ZNF678: variants seen among roughly 807,000 people sequenced by gnomAD.
ZNF678 encodes the protein hypothetical protein MGC42493.
In ZNF678, 5 loss-of-function variants were observed where a neutral mutation model predicts 3.0. That is an observed-to-expected ratio of 1.69 (90% CI 0.88 to 3.56). The LOEUF is 3.56. Among genes scored for constraint, ZNF678 ranks in the 30% most tolerant of loss-of-function variants. The probability of loss-of-function intolerance (pLI) is 0.00; values close to 1 mark genes in which losing one functional copy is unlikely to be tolerated. For synonymous variants in ZNF678, 218 were observed against 199.6 expected (o/e 1.09, Z -0.78); for missense variants, 593 against 605.0 (o/e 0.98, Z 0.21).
At chr1:227,646,743 A>G in intron 2 of ZNF678, 73 bp downstream of exon 2, 1 of 1,267,704 alleles carries the variant, frequency 7.9e-7, no homozygotes, top group South Asian at 1.3e-5. Context: ...CTGAAATGTT[A>G]CCTGAGAGTT....
intron 1 of ZNF678, among the ~76,000 whole-genome samples, chr1:227,604,188 A>G (rs570050731): frequency 5.9e-5 from 9 of 152,328 alleles, no homozygotes; most frequent in African/African-American, 1.7e-4. Context: ...TTTTGGGCAC[A>G]TGAGTGAGAG....
In ZNF678 at chr1:227,631,689, A is replaced by G. The variant is rs185751444; in HGVS notation, c.-163-14855A>G. Among the ~76,000 whole-genome samples, 7 of 152,270 alleles carry G rather than the reference A, an allele frequency of 4.6e-5. No homozygotes were observed. The East Asian group carries it at 9.6e-4, about 21-fold the overall frequency. The stretch of plus-strand genomic sequence containing the variant: ...ATGACAGATGGATCCTACTTATCCT[A>G]TGTGCCTTTTTCCTGCGAGAAGGAG... On this transcript the variant is annotated intron_variant, in intron 1 of 3. Transcript: ENST00000343776.
intron 1 of ZNF678, among the ~76,000 whole-genome samples, chr1:227,643,083 T>C (rs1658861896): frequency 6.6e-6 from 1 of 152,072 alleles, no homozygotes; most frequent in Non-Finnish European, 1.5e-5. Context: ...TTGGGCTTCA[T>C]TTGAGCTTCT....
chr1:227,600,076 C>CTGCATTAAGT (rs1256160000), intron 1 of ZNF678, among the ~76,000 whole-genome samples: 1 of 152,078 alleles, frequency 6.6e-6, no homozygotes, highest in Non-Finnish European at 1.5e-5. Flanking sequence ...TTTTCTGTTC[C>CTGCATTAAGT]TGCATTAGTA....
intron 1 of ZNF678, among the ~76,000 whole-genome samples, chr1:227,633,385 C>G (rs1297329012): frequency 6.6e-6 from 1 of 152,192 alleles, no homozygotes; most frequent in Non-Finnish European, 1.5e-5. Context: ...TTGACTATTT[C>G]TTTACCTCCA....
At chr1:227,606,432 A>G (rs188977779) in intron 1 of ZNF678, among the ~76,000 whole-genome samples, 1 of 152,332 alleles carries the variant, frequency 6.6e-6, no homozygotes, top group Non-Finnish European at 1.5e-5. Context: ...CCACTAGCAT[A>G]TCTTGCCTCC....
downstream of ZNF678, among the ~76,000 whole-genome samples, chr1:227,678,456 T>G (rs2012432): frequency 0.21 from 31,838 of 152,134 alleles, 3,778 homozygotes; most frequent in East Asian, 0.44. Flanking sequence ...TTCTCTTGCC[T>G]CTCTAGGCAG....
chr1:227,583,978 C>G (rs903285533), intron 1 of ZNF678, among the ~76,000 whole-genome samples: 9 of 152,198 alleles, frequency 5.9e-5, no homozygotes, highest in African/African-American at 2.2e-4. Flanking sequence ...AATCATATAT[C>G]TGTTGCTGCC....
At chr1:227,613,183 C>G (rs1444175241) in intron 1 of ZNF678, among the ~76,000 whole-genome samples, 1 of 152,186 alleles carries the variant, frequency 6.6e-6, no homozygotes, top group Admixed American at 6.5e-5. Flanking sequence ...CAGCTACTCA[C>G]TACCTCTACT....
chr1:227,630,691 G>T (rs1658526438), intron 1 of ZNF678, among the ~76,000 whole-genome samples: 1 of 152,116 alleles, frequency 6.6e-6, no homozygotes, highest in Non-Finnish European at 1.5e-5. Flanking sequence ...GCTTGGAGGG[G>T]ACATAATCAG....
At chr1:227,666,973 G>C (rs1659513593), downstream of ZNF678, among the ~76,000 whole-genome samples, 1 of 151,520 alleles carries the variant, frequency 6.6e-6, no homozygotes, top group African/African-American at 2.4e-5. Context: ...TTGAACTCCA[G>C]ACCTCAGATG....
chr1:227,657,167 C>G lies in ZNF678; in HGVS notation c.*1339C>G, dbSNP rs1659271889. ...CTTACCACTGCAGTTAGTGTGTTCT[C>G]TGTTAGTTCATGTGAAAGCTGGTTG... On this transcript the variant is annotated 3_prime_UTR_variant, in exon 4 of 4. Coordinates refer to ENST00000343776, the MANE Select transcript of ZNF678 (RefSeq NM_001367909.1). 1 of 151,880 alleles carries G rather than the reference C, an allele frequency of 6.6e-6. No homozygotes were observed. Among genetic ancestry groups the G allele is most frequent in the Non-Finnish European group, 1.5e-5 (1 of 67,854 alleles). The allele number at this position is 151,880 out of a possible 1,614,324, so 9.4% of individuals were successfully genotyped here.
chr1:227,564,576 C>A (rs1389720737), intron 1 of ZNF678, among the ~76,000 whole-genome samples: 4 of 152,226 alleles, frequency 2.6e-5, no homozygotes, highest in African/African-American at 9.6e-5. Context: ...TTTTCAGTTT[C>A]TTTCCAAAAT....
chr1:227,578,329 G>A (rs534978207), intron 1 of ZNF678, among the ~76,000 whole-genome samples: 2 of 152,278 alleles, frequency 1.3e-5, no homozygotes, highest in South Asian at 2.1e-4. Flanking sequence ...CCTGAAATAC[G>A]TTTTCCAACT....
intron 1 of ZNF678, chr1:227,598,325 A>G: frequency 5.6e-6 from 7 of 1,240,224 alleles, no homozygotes; most frequent in Non-Finnish European, 7.3e-6. Context: ...TAAACACAAG[A>G]AAATTCGTGG....
chr1:227,626,407 A>G (rs1266193311), intron 1 of ZNF678, among the ~76,000 whole-genome samples: 1 of 152,182 alleles, frequency 6.6e-6, no homozygotes, highest in Non-Finnish European at 1.5e-5. Context: ...GGATGTATCC[A>G]GGGATGGGGA....
chr1:227,629,080 A>G (rs1413086425), intron 1 of ZNF678, among the ~76,000 whole-genome samples: 6 of 152,142 alleles, frequency 3.9e-5, no homozygotes, highest in African/African-American at 4.8e-5. Context: ...TCCACTGTCC[A>G]TTGGGTTTCT....
chr1:227,570,753 A>C (rs530115151), intron 1 of ZNF678, among the ~76,000 whole-genome samples: 41 of 152,088 alleles, frequency 2.7e-4, no homozygotes, highest in African/African-American at 8.9e-4. Flanking sequence ...GTCTCCATAC[A>C]TTTCTGCCTT....
intron 5 of ZNF678, among the ~76,000 whole-genome samples, chr1:227,675,378 A>T (rs1659663074): frequency 6.6e-6 from 1 of 152,196 alleles, no homozygotes; most frequent in African/African-American, 2.4e-5. Flanking sequence ...CTATTGTTTA[A>T]GCCACCAAGT....
Sources: gnomAD v4.1 joint callset for allele counts (sites outside exome capture counted in the v4.1 genomes callset) on GRCh38, gnomAD v4.1.1 for gene constraint, MANE v1.5 for transcripts, NCBI Gene and HGNC (gene_info 2026-07-23, HGNC 2026-07-21) for gene names.